Variants in DCDC1 observed in about 807,000 individuals in gnomAD.
The protein encoded by DCDC1 is doublecortin domain-containing protein 1.
Under a neutral mutation model 178.3 loss-of-function variants are expected in DCDC1, and 200 were observed. That is an observed-to-expected ratio of 1.12 (90% confidence interval 1.00 to 1.26). DCDC1 has a LOEUF of 1.26. DCDC1 is among the 50% of genes most tolerant of loss of function. DCDC1 has a pLI of 0.00. For missense variants in DCDC1, 1,983 were observed against 1,749.2 expected, an observed-to-expected ratio of 1.13 and a Z score of -2.38; for synonymous variants, 690 against 604.8, an observed-to-expected ratio of 1.14 and a Z score of -2.07.
At chr11:31,096,674 T>C (rs2135704201) in intron 15 of DCDC1, among the ~76,000 whole-genome samples, 1 of 151,860 alleles carries the variant, frequency 6.6e-6, no homozygotes, top group South Asian at 2.1e-4. Flanking sequence ...CAAGGCCCAC[T>C]AACCCAGCTT....
intron 7 of DCDC1, among the ~76,000 whole-genome samples, chr11:31,271,194 C>T (rs973123146): frequency 6.6e-6 from 1 of 152,140 alleles, no homozygotes; most frequent in Non-Finnish European, 1.5e-5. Flanking sequence ...AAGCTACAAG[C>T]CTACTTATTT....
chr11:31,180,360 A>G (rs186526073), intron 9 of DCDC1, among the ~76,000 whole-genome samples: 5 of 152,344 alleles, frequency 3.3e-5, no homozygotes, highest in Admixed American at 6.5e-5. Flanking sequence ...CCCTGATTGG[A>G]TCATTATATA....
intron 9 of DCDC1, among the ~76,000 whole-genome samples, chr11:31,138,527 T>C (rs528105114): frequency 6.6e-6 from 1 of 152,240 alleles, no homozygotes; most frequent in Non-Finnish European, 1.5e-5. Flanking sequence ...CTGACATTAA[T>C]AGAGAACAAG....
At chr11:30,924,693 G>A (rs1400335360) in intron 23 of DCDC1, among the ~76,000 whole-genome samples, 1 of 152,142 alleles carries the variant, frequency 6.6e-6, no homozygotes, top group African/African-American at 2.4e-5. Flanking sequence ...TTCAGAGCAG[G>A]AGATAGAAAT....
chr11:30,928,108 G>GC (rs1182270177), intron 22 of DCDC1, among the ~76,000 whole-genome samples: 3 of 152,020 alleles, frequency 2.0e-5, no homozygotes, highest in African/African-American at 7.2e-5. Flanking sequence ...ATAGATTAAT[G>GC]CCCCCCCTTG....
At chr11:31,052,242 TAA>T (rs1233588932) in intron 20 of DCDC1, among the ~76,000 whole-genome samples, 5 of 152,130 alleles carry the variant, frequency 3.3e-5, no homozygotes, top group Non-Finnish European at 4.4e-5. Context: ...CAACAGCGGT[TAA>T]AAGAGACAAA....
intron 10 of DCDC1, among the ~76,000 whole-genome samples, chr11:31,134,100 T>C (rs930103415): frequency 6.6e-6 from 1 of 152,238 alleles, no homozygotes; most frequent in Non-Finnish European, 1.5e-5. Context: ...AGGTACCTTA[T>C]GTGCTGCTTT....
chr11:31,329,213 A>G (rs1305734224), intron 2 of DCDC1, among the ~76,000 whole-genome samples: 1 of 152,066 alleles, frequency 6.6e-6, no homozygotes, highest in Non-Finnish European at 1.5e-5. Context: ...CCCCATTGAG[A>G]TGAAGCCAAA....
At chr11:31,213,094 GCCCAGC>G (rs1423865446) in intron 9 of DCDC1, among the ~76,000 whole-genome samples, 114 of 89,572 alleles carry the variant, frequency 1.3e-3, no homozygotes, top group African/African-American at 4.0e-3. Flanking sequence ...TCTATATAAA[GCCCAGC>G]CTCTCTCTCT....
At chr11:31,176,994 A>T (rs1163515335) in intron 9 of DCDC1, among the ~76,000 whole-genome samples, 12 of 152,166 alleles carry the variant, frequency 7.9e-5, no homozygotes, top group African/African-American at 2.4e-4. Context: ...TTCATAAATC[A>T]AACTCATAAT....
intron 11 of DCDC1, among the ~76,000 whole-genome samples, chr11:31,117,127 A>G (rs529736915): frequency 6.6e-6 from 1 of 152,252 alleles, no homozygotes; most frequent in African/African-American, 2.4e-5. Flanking sequence ...CCACAGCTGC[A>G]TGAGGGGAAA....
chr11:31,222,657 T>C (rs1414221963), intron 9 of DCDC1, among the ~76,000 whole-genome samples: 1 of 152,128 alleles, frequency 6.6e-6, no homozygotes, highest in Non-Finnish European at 1.5e-5. Context: ...ATCAGGGTGT[T>C]AGTATGGTCA....
chr11:30,868,000 A>T (rs1398964034), intron 38 of DCDC1, among the ~76,000 whole-genome samples: 1 of 152,146 alleles, frequency 6.6e-6, no homozygotes, highest in Non-Finnish European at 1.5e-5. Context: ...TTCCATTCTA[A>T]TTAGTGTCCT....
At chr11:31,059,985 C>G (rs78175459) in intron 20 of DCDC1, among the ~76,000 whole-genome samples, 2,767 of 152,046 alleles carry the variant, frequency 0.018, 93 homozygotes, top group African/African-American at 0.063. Flanking sequence ...AAGCAGGAGA[C>G]TATAACAGTT....
chr11:31,023,866 A>G (rs553131063), intron 20 of DCDC1, among the ~76,000 whole-genome samples: 1 of 152,182 alleles, frequency 6.6e-6, no homozygotes, highest in South Asian at 2.1e-4. Context: ...TTATCCACCA[A>G]ATGTAACTAA....
intron 9 of DCDC1, among the ~76,000 whole-genome samples, chr11:31,238,436 T>C (rs181206772): frequency 6.6e-6 from 1 of 152,278 alleles, no homozygotes; most frequent in Non-Finnish European, 1.5e-5. Flanking sequence ...TTTTGGCCTC[T>C]CCTTAGCTGT....
chr11:31,240,980 G>T (rs750020911), intron 9 of DCDC1, among the ~76,000 whole-genome samples: 1 of 151,838 alleles, frequency 6.6e-6, no homozygotes, highest in Non-Finnish European at 1.5e-5. Flanking sequence ...AAACAGACAA[G>T]TTAAATAAGG....
At chr11:30,870,401 C>G (rs1170444560) in intron 38 of DCDC1, among the ~76,000 whole-genome samples, 4 of 152,168 alleles carry the variant, frequency 2.6e-5, no homozygotes, top group Non-Finnish European at 5.9e-5. Flanking sequence ...CAGCAGACCA[C>G]TGTCACACCC....
chr11:31,329,993 T>G (rs1949878989), intron 2 of DCDC1, among the ~76,000 whole-genome samples: 1 of 152,200 alleles, frequency 6.6e-6, no homozygotes. Flanking sequence ...CCACAATGGT[T>G]GAACTAGTTT....
Sources: allele counts gnomAD v4.1 joint callset (sites outside exome capture counted in the v4.1 genomes callset), GRCh38; gene constraint gnomAD v4.1.1; transcripts MANE v1.5; gene names NCBI Gene and HGNC (gene_info 2026-07-23, HGNC 2026-07-21).